Variants in PCDHGA6 observed in about 807,000 individuals in gnomAD.
PCDHGA6 encodes the protein protocadherin gamma subfamily A, 6, also known as protocadherin gamma-A6.
In PCDHGA6, 41 loss-of-function variants were observed where a neutral mutation model predicts 60.6. The observed-to-expected ratio is 0.68, with a 90% CI of 0.53 to 0.88. The LOEUF (loss-of-function observed/expected upper bound fraction) is 0.88. Ranked by LOEUF, PCDHGA6 falls within the 40% of genes least tolerant of loss-of-function variation. The pLI is 0.00. For missense variants in PCDHGA6, 1,312 were observed against 1,203.0 expected (o/e 1.09, Z -1.34); for synonymous variants, 594 against 524.4 (o/e 1.13, Z -1.81).
chr5:141,425,119 T>G (rs1234720658), intron 1 of PCDHGA6, among the ~76,000 whole-genome samples: 1 of 152,220 alleles, frequency 6.6e-6, no homozygotes, highest in Non-Finnish European at 1.5e-5. Context: ...ACATTTTTCT[T>G]GAAGTCAAGA....
At chr5:141,417,897 C>T (rs2096182334) in intron 1 of PCDHGA6, 1 of 1,578,084 alleles carries the variant, frequency 6.3e-7, no homozygotes, top group African/African-American at 1.4e-5. Context: ...CGGGCCGGCC[C>T]GCGGCAGGTA....
chr5:141,409,082 T>C (rs1332697516), intron 1 of PCDHGA6: 6 of 1,613,878 alleles, frequency 3.7e-6, no homozygotes, highest in African/African-American at 1.3e-5. Context: ...TATGTTCTCA[T>C]TGGATGAGAA....
Position 141,489,079 on chromosome 5 carries a change from C to CCCCA in PCDHGA6, c.2425-5727_2425-5726insCCAC. ...CTCCCCTCCCCCCTGCCCACCCCCGCCACTCGGTGACTAAGAACTGCTGCA... is the reference window on the plus strand; with the variant it reads ...CTCCCCTCCCCCCTGCCCACCCCCGCCCCACACTCGGTGACTAAGAACTGCTGCA... On this transcript the variant is annotated intron_variant, in intron 1 of 3. Transcript: ENST00000517434. This position sits in a 1 kb window ranked among gnomAD's most constrained non-coding sequence, Gnocchi z 4.5. The CCCCA allele has an allele frequency of 9.1e-6, 3 of 329,992 alleles. No homozygotes were observed. Among genetic ancestry groups the CCCCA allele is most frequent in the African/African-American group, 2.4e-5 (1 of 41,312 alleles). The allele number at this position is 329,992 out of a possible 1,614,324, so 20.4% of individuals were successfully genotyped here.
Position 141,420,431 on chromosome 5 carries a change from A to G in PCDHGA6, c.2424+43924A>G, listed in dbSNP as rs183252328. 8.4e-5 allele frequency: 96 copies of G among 1,148,758 alleles called. No individual in the cohort carries two copies. In the African/African-American group the frequency reaches 1.3e-3, roughly 16 times the overall value. The allele number at this position is 1,148,758 out of a possible 1,614,324, so 71.2% of individuals were successfully genotyped here. Reference sequence around the variant, plus strand: ...TATCATTATTAAAACAAAAGTTTAAATTAAATGCCTCAGTCTTCCTACTAT... The same window carrying G: ...TATCATTATTAAAACAAAAGTTTAAGTTAAATGCCTCAGTCTTCCTACTAT... On this transcript the variant is annotated intron_variant, in intron 1 of 3. Transcript: ENST00000517434.
intron 1 of PCDHGA6, chr5:141,377,040 T>G (rs1229321442): frequency 1.9e-5 from 3 of 154,184 alleles, no homozygotes; most frequent in African/African-American, 7.2e-5. Flanking sequence ...CTTTGATTAG[T>G]GCTTAGTTTT....
intron 1 of PCDHGA6, chr5:141,408,352 C>T: frequency 6.2e-7 from 1 of 1,613,918 alleles, no homozygotes; most frequent in South Asian, 1.1e-5. Flanking sequence ...TGGGGAACCT[C>T]GCTAAGGATC....
At chr5:141,469,408 C>A (rs765861544) in intron 1 of PCDHGA6, among the ~76,000 whole-genome samples, 20 of 152,008 alleles carry the variant, frequency 1.3e-4, no homozygotes, top group Non-Finnish European at 2.6e-4. Flanking sequence ...AACCCCGTTT[C>A]TACTAAAAAT....
chr5:141,409,867 C>A (rs376725837), intron 1 of PCDHGA6: 201 of 1,612,544 alleles, frequency 1.2e-4, no homozygotes, highest in Middle Eastern at 8.2e-4. Context: ...TGGGAGACCG[C>A]AATGACAACG....
intron 1 of PCDHGA6, among the ~76,000 whole-genome samples, chr5:141,475,556 T>A (rs1420756007): frequency 6.6e-6 from 1 of 152,248 alleles, no homozygotes; most frequent in Non-Finnish European, 1.5e-5. Context: ...CGGCTAATTG[T>A]CTGTCTTCCA....
At chr5:141,430,383 G>A (rs527531595) in intron 1 of PCDHGA6, among the ~76,000 whole-genome samples, 74 of 138,604 alleles carry the variant, frequency 5.3e-4, no homozygotes, top group Admixed American at 8.6e-4. Flanking sequence ...AGCTCATTGG[G>A]AAAAAAAAAA....
chr5:141,403,442 G>A, intron 1 of PCDHGA6: 2 of 1,614,024 alleles, frequency 1.2e-6, no homozygotes, highest in Admixed American at 1.7e-5. Flanking sequence ...GGATGTTGGC[G>A]TGAACTCCCT....
At chr5:141,470,242 T>C (rs1301513342) in intron 1 of PCDHGA6, among the ~76,000 whole-genome samples, 1 of 152,344 alleles carries the variant, frequency 6.6e-6, no homozygotes, top group South Asian at 2.1e-4. Flanking sequence ...CCCTTGAATG[T>C]CCCACCTGTC....
chr5:141,479,490 G>A (rs1334340000), intron 1 of PCDHGA6: 1 of 152,248 alleles, frequency 6.6e-6, no homozygotes, highest in Non-Finnish European at 1.5e-5. Context: ...AGGACCATCA[G>A]GTTGCCTAAA....
intron 1 of PCDHGA6, chr5:141,409,876 C>A: frequency 6.2e-7 from 1 of 1,612,874 alleles, no homozygotes. Flanking sequence ...GCAATGACAA[C>A]GCACCGCGGG....
At chr5:141,473,682 G>A (rs2099326903) in intron 1 of PCDHGA6, among the ~76,000 whole-genome samples, 1 of 152,186 alleles carries the variant, frequency 6.6e-6, no homozygotes, top group Admixed American at 6.5e-5. Context: ...GGGAAGGGCT[G>A]GGGTTCTGAC....
intron 1 of PCDHGA6, chr5:141,430,515 G>A (rs1016446331): frequency 2.1e-5 from 7 of 340,180 alleles, no homozygotes; most frequent in Admixed American, 1.8e-4. Flanking sequence ...TCAAGATTGT[G>A]CAGTAATTGG....
rs374857095 is a variant in PCDHGA6, at chr5:141,409,142, A to G, written c.2424+32635A>G. 6 of 1,613,904 alleles carry G rather than the reference A, an allele frequency of 3.7e-6. No individual in the cohort carries two copies. In the African/African-American group the frequency reaches 6.7e-5, roughly 18 times the overall value. ...GTCATTTGATTTTGAAGATGTAGAA[A>G]GGTACACCATGGAAGTGGAAGCGAA... is the stretch of plus-strand genomic sequence containing the variant. On this transcript the variant is annotated intron_variant, in intron 1 of 3. Coordinates refer to ENST00000517434, the MANE Select transcript of PCDHGA6 (RefSeq NM_018919.3).
chr5:141,415,744 T>TTTTTG, intron 1 of PCDHGA6: 1 of 404,416 alleles, frequency 2.5e-6, no homozygotes, highest in Non-Finnish European at 3.0e-6. Context: ...ATTAAGGTTT[T>TTTTTG]TTTTTTTTTT....
rs1271293217 is a variant in PCDHGA6, at chr5:141,374,804, A to G, written c.721A>G (p.Met241Val). The change falls in exon 1 of 4, where the codon ATG becomes GTG. Residue 241 changes from methionine to valine, a missense_variant. Transcript: ENST00000517434. ...TVLDVNDNTP[M>V]FTQPVYRVSV... ...TCTAGATGTGAATGACAACACTCCA[A>G]TGTTTACTCAGCCTGTCTACCGTGT... The G allele has an allele frequency of 6.8e-6, 11 of 1,613,854 alleles. No individual in the cohort carries two copies. In the East Asian group the frequency reaches 1.6e-4, roughly 23 times the overall value.
Sources: allele counts gnomAD v4.1 joint callset (sites outside exome capture counted in the v4.1 genomes callset), GRCh38; gene constraint gnomAD v4.1.1; non-coding constraint Gnocchi (gnomAD v3.1); transcripts MANE v1.5; gene names NCBI Gene and HGNC (gene_info 2026-07-23, HGNC 2026-07-21).